SLC32A1: variants seen among roughly 807,000 people sequenced by gnomAD.
The protein encoded by SLC32A1 is solute carrier family 32 member 1.
In SLC32A1, 8 loss-of-function variants were observed where a neutral mutation model predicts 35.5. That is an observed-to-expected ratio of 0.23 (90% CI 0.13 to 0.41). SLC32A1 has a LOEUF of 0.41. Ranked by LOEUF, SLC32A1 falls within the 10% of genes least tolerant of loss-of-function variation. SLC32A1 has a pLI of 1.00. For missense variants in SLC32A1, 493 were observed against 722.3 expected, an observed-to-expected ratio of 0.68 and a Z score of 3.64; for synonymous variants, 317 against 326.3, an observed-to-expected ratio of 0.97 and a Z score of 0.31.
intron 1 of SLC32A1, 59 bp from the exon 2 acceptor site, chr20:38,727,393 C>T: frequency 6.6e-7 from 1 of 1,522,096 alleles, no homozygotes; most frequent in South Asian, 1.2e-5. Flanking sequence ...CCCCCCGGGC[C>T]CCTCATCCGT....
chr20:38,729,197 C>A lies in SLC32A1; in HGVS notation c.*558C>A, dbSNP rs1209958951. 6.5e-6 allele frequency: 1 copy of A among 154,438 alleles called. No individual in the cohort carries two copies. The highest frequency in any genetic ancestry group is 1.9e-4 in the East Asian group (1 of 5,224). 9.6% of individuals were successfully genotyped at this position (154,438 alleles called of 1,614,324 possible). A position where few individuals can be genotyped will look rare whatever the true frequency, so the allele number is the denominator to read the frequency against. The stretch of plus-strand genomic sequence containing the variant: ...AGCCGCGGCGGGGCCAGCTTGCCTG[C>A]CGGTTTTCAGGAATCTAAACTCTCA... On this transcript the variant is annotated 3_prime_UTR_variant, in exon 2 of 2. Coordinates refer to ENST00000217420, the MANE Select transcript of SLC32A1 (RefSeq NM_080552.3).
rs16987520 is a variant in SLC32A1 at position 38,729,102 on chromosome 20, C to T, written c.*463C>T. 1,834 of 156,196 alleles carry T rather than the reference C, an allele frequency of 0.012. 39 individuals carry two copies. Among genetic ancestry groups the T allele is most frequent in the African/African-American group, 0.042 (1,747 of 41,708 alleles). The allele number at this position is 156,196 out of a possible 1,614,324, so 9.7% of individuals were successfully genotyped here. ...CCATTCCGGAGACGTTTCAACCCTG[C>T]AGCGGGAAAGGCTGACTGGGAAATC... On this transcript the variant is annotated 3_prime_UTR_variant, in exon 2 of 2. Coordinates refer to ENST00000217420, the MANE Select transcript of SLC32A1 (RefSeq NM_080552.3).
rs749710984 is a variant in SLC32A1, at chr20:38,728,053, A to G, written c.992A>G (p.Gln331Arg). The G allele has an allele frequency of 1.2e-6, 2 of 1,613,912 alleles. No individual in the cohort carries two copies. Among genetic ancestry groups the G allele is most frequent in the Admixed American group, 1.7e-5 (1 of 60,016 alleles). Residue 331 changes from glutamine (Q) to arginine (R), a missense_variant, in exon 2 of 2, where the codon CAG becomes CGG. Gln to Arg is a conservative substitution (Grantham distance 43, BLOSUM62 1). Around this residue, in one of 4 missense-constraint regions of SLC32A1, gnomAD observed 269 missense variants for 445.6 expected, o/e 0.60. Transcript: ENST00000217420. ...CTGCCTTCGCTGGAGGGCAATATGC[A>G]GCAGCCCAGCGAGTTCCACTGCATG... ...IFLPSLEGNM[Q>R]QPSEFHCMMN...
chr20:38,725,319 C>T (rs767368074), intron 1 of SLC32A1, among the ~76,000 whole-genome samples: 13 of 152,222 alleles, frequency 8.5e-5, no homozygotes, highest in Non-Finnish European at 1.9e-4. Flanking sequence ...TCCCTCCCAA[C>T]GGCACCAGCT....
intron 1 of SLC32A1, among the ~76,000 whole-genome samples, chr20:38,725,326 A>T (rs756113898): frequency 8.5e-5 from 13 of 152,194 alleles, no homozygotes; most frequent in Non-Finnish European, 1.9e-4. Context: ...CAACGGCACC[A>T]GCTGCAAGAC....
Position 38,727,781 on chromosome 20 carries a change from G to C in SLC32A1, c.720G>C (p.Gln240His), listed in dbSNP as rs759168820. 1.2e-6 allele frequency: 2 copies of C among 1,614,224 alleles called. No homozygotes were observed. Among genetic ancestry groups the C allele is most frequent in the Non-Finnish European group, 1.7e-6 (2 of 1,180,050 alleles). Residue 240 changes from glutamine to histidine, a missense_variant, in exon 2 of 2, where the codon CAG becomes CAC. Gln to His is a conservative substitution (Grantham distance 24). This residue lies in a region of SLC32A1 where 269 missense variants were observed against 445.6 expected (regional missense o/e 0.60). Transcript: ENST00000217420. ...GCTTCCCGGGGCTGCCCGTGTCGCA[G>C]AAGTCCTGGTCCATTATCGCCACGG... ...YNSFPGLPVS[Q>H]KSWSIIATAV...
Position 38,724,709 on chromosome 20 carries a change from T to C in SLC32A1, c.-16T>C. On this transcript the variant is annotated 5_prime_UTR_variant, in exon 1 of 2. Coordinates refer to ENST00000217420, the MANE Select transcript of SLC32A1 (RefSeq NM_080552.3). ...CCTCGGGTCCTTCTGTCCTTTCCGCTGTCCCCACCGCCGCCATGGCCACCT... is the reference window on the plus strand; with the variant it reads ...CCTCGGGTCCTTCTGTCCTTTCCGCCGTCCCCACCGCCGCCATGGCCACCT... 1.9e-6 allele frequency: 3 copies of C among 1,587,774 alleles called. No individual in the cohort carries two copies. Among genetic ancestry groups the C allele is most frequent in the Admixed American group, 3.4e-5 (2 of 58,196 alleles).
At chr20:38,725,152 CT>C (rs766625057) in intron 1 of SLC32A1, 38 bp downstream of exon 1, 2 of 1,501,476 alleles carry the variant, frequency 1.3e-6, no homozygotes, top group East Asian at 2.4e-5. Flanking sequence ...GTCCTCCCCC[CT>C]CCCAGCTCAG....
At position 38,727,435 on chromosome 20, in the gene SLC32A1, G is replaced by T; in HGVS notation, c.391-17G>T. 1 of 1,598,616 alleles carries T rather than the reference G, an allele frequency of 6.3e-7. No homozygotes were observed. ...GTTCGCTGAGCGTCCGCGTCTGGTT[G>T]CCTCTCCGCCCCACAGGGCATGTTC... On this transcript the variant is annotated splice_polypyrimidine_tract_variant and intron_variant, in intron 1 of 1. Transcript: ENST00000217420.
chr20:38,727,778 G>T lies in SLC32A1; in HGVS notation c.717G>T (p.Ser239=). 6.2e-7 allele frequency: 1 copy of T among 1,614,188 alleles called. No individual in the cohort carries two copies. Among genetic ancestry groups the T allele is most frequent in the Non-Finnish European group, 8.5e-7 (1 of 1,180,042 alleles). Residue 239 remains serine, a synonymous_variant, in exon 2 of 2, where the codon TCG becomes TCT. Transcript: ENST00000217420. ...ACAGCTTCCCGGGGCTGCCCGTGTCGCAGAAGTCCTGGTCCATTATCGCCA... is the reference window on the plus strand; with the variant it reads ...ACAGCTTCCCGGGGCTGCCCGTGTCTCAGAAGTCCTGGTCCATTATCGCCA... ...MYNSFPGLPV[S]QKSWSIIATA...
chr20:38,726,049 C>T lies in SLC32A1; in HGVS notation c.390+935C>T, dbSNP rs908360587. On this transcript the variant is annotated intron_variant, in intron 1 of 1. Transcript: ENST00000217420. The surrounding 1 kb of genome is among the most constrained non-coding windows in gnomAD (Gnocchi z 4.7). Reference sequence around the variant, plus strand: ...CTCTCTAGGCCCTCTCCCCTTATTCCTAACCCCCCACTCCCCACCAGGCGG... The same window carrying T: ...CTCTCTAGGCCCTCTCCCCTTATTCTTAACCCCCCACTCCCCACCAGGCGG... Among the ~76,000 whole-genome samples the T allele has an allele frequency of 6.6e-6, 1 of 152,198 alleles. No individual in the cohort carries two copies. Among genetic ancestry groups the T allele is most frequent in the Non-Finnish European group, 1.5e-5 (1 of 68,034 alleles).
rs755085603 is a variant in SLC32A1 at position 38,724,717 on chromosome 20, C to G, written c.-8C>G. ...CCTTCTGTCCTTTCCGCTGTCCCCA[C>G]CGCCGCCATGGCCACCTTGCTCCGC... On this transcript the variant is annotated 5_prime_UTR_variant, in exon 1 of 2. Transcript: ENST00000217420. 1.9e-6 allele frequency: 3 copies of G among 1,594,998 alleles called. No homozygotes were observed. In the African/African-American group the frequency reaches 4.0e-5, roughly 21 times the overall value.
intron 1 of SLC32A1, among the ~76,000 whole-genome samples, chr20:38,727,186 C>T (rs1159994878): frequency 1.3e-5 from 2 of 152,156 alleles, no homozygotes; most frequent in Admixed American, 6.5e-5. Flanking sequence ...CTCTCGCTAT[C>T]ACCAGCCATT....
chr20:38,725,202 C>T (rs1201812394), intron 1 of SLC32A1, 88 bp downstream of exon 1: 2 of 1,448,602 alleles, frequency 1.4e-6, no homozygotes, highest in African/African-American at 1.4e-5. Flanking sequence ...CCGGTGATCT[C>T]GGCCTGGAGA....
Position 38,727,447 on chromosome 20 carries a change from C to T in SLC32A1, c.391-5C>T. On this transcript the variant is annotated splice_region_variant and splice_polypyrimidine_tract_variant and intron_variant, in intron 1 of 1. Transcript: ENST00000217420. ...TCCGCGTCTGGTTGCCTCTCCGCCC[C>T]ACAGGGCATGTTCGTGCTGGGCCTA... 2 of 1,604,028 alleles carry T rather than the reference C, an allele frequency of 1.2e-6. No homozygotes were observed. Among genetic ancestry groups the T allele is most frequent in the South Asian group, 1.1e-5 (1 of 91,026 alleles).
rs377010570 is a variant in SLC32A1, at chr20:38,727,578, G to C, written c.517G>C (p.Glu173Gln). ...GATCCTCATCGCGTGCCTGTACGAG[G>C]AGAATGAAGACGGCGAGGTGGTGCG... ...GKILIACLYE[E>Q]NEDGEVVRVR... is the part of the protein sequence containing the mutation. Residue 173 changes from glutamate (E) to glutamine (Q), a missense_variant, in exon 2 of 2, where the codon GAG becomes CAG. Around this residue, in one of 4 missense-constraint regions of SLC32A1, gnomAD observed 46 missense variants for 39.7 expected, o/e 1.16. Coordinates refer to ENST00000217420, the MANE Select transcript of SLC32A1 (RefSeq NM_080552.3). 2.5e-6 allele frequency: 4 copies of C among 1,611,240 alleles called. No individual in the cohort carries two copies. In the African/African-American group the frequency reaches 5.3e-5, roughly 21 times the overall value.
In SLC32A1 at chr20:38,727,777, C is replaced by G. The variant is rs1254196187; in HGVS notation, c.716C>G (p.Ser239Trp). Residue 239 changes from serine (S) to tryptophan (W), a missense_variant, in exon 2 of 2, where the codon TCG (serine) becomes TGG (tryptophan). Ser to Trp is a radical substitution (Grantham distance 177). Transcript: ENST00000217420. Reference sequence around the variant, plus strand: ...AACAGCTTCCCGGGGCTGCCCGTGTCGCAGAAGTCCTGGTCCATTATCGCC... The same window carrying G: ...AACAGCTTCCCGGGGCTGCCCGTGTGGCAGAAGTCCTGGTCCATTATCGCC... The part of the protein sequence containing the change: ...MYNSFPGLPV[S>W]QKSWSIIATA... 6.2e-7 allele frequency: 1 copy of G among 1,614,068 alleles called. No individual in the cohort carries two copies.
At chr20:38,725,222 G>A in intron 1 of SLC32A1, 108 bp downstream of exon 1, 1 of 1,356,956 alleles carries the variant, frequency 7.4e-7, no homozygotes. Context: ...ACCCCCTCCT[G>A]TACCCAGGAA....
At chr20:38,725,154 C>T (rs201436841) in intron 1 of SLC32A1, 40 bp downstream of exon 1, 498 of 1,501,402 alleles carry the variant, frequency 3.3e-4, no homozygotes, top group South Asian at 8.2e-4. Context: ...CCTCCCCCCT[C>T]CCAGCTCAGC....
Sources: allele counts gnomAD v4.1 joint callset (sites outside exome capture counted in the v4.1 genomes callset), GRCh38; gene constraint gnomAD v4.1.1; regional missense constraint gnomAD v4.1.1; non-coding constraint Gnocchi (gnomAD v3.1); transcripts MANE v1.5; gene names NCBI Gene and HGNC (gene_info 2026-07-23, HGNC 2026-07-21).